The following INPP5F variants were observed in gnomAD, a reference collection of about 807,000 sequenced individuals.
INPP5F encodes the protein inositol polyphosphate-5-phosphatase F, also known as phosphatidylinositide 4-phosphatase SAC2.
A neutral mutation model predicts 137.2 loss-of-function variants in INPP5F; 97 were observed. The ratio of observed to expected loss-of-function variants is 0.71; its 90% CI spans 0.60 to 0.84. INPP5F has a LOEUF of 0.84. Ranked by LOEUF, INPP5F falls within the 40% of genes least tolerant of loss-of-function variation. INPP5F has a pLI of 0.00. For missense variants in INPP5F, 1,271 were observed against 1,371.9 expected, an observed-to-expected ratio of 0.93 and a Z score of 1.16; for synonymous variants, 504 against 476.9, an observed-to-expected ratio of 1.06 and a Z score of -0.74.
At chr10:119,737,538 C>T (rs1848251857) in intron 1 of INPP5F, among the ~76,000 whole-genome samples, 1 of 152,182 alleles carries the variant, frequency 6.6e-6, no homozygotes, top group South Asian at 2.1e-4. Flanking sequence ...AATGAGCAGC[C>T]AGCACTGATA....
intron 2 of INPP5F, among the ~76,000 whole-genome samples, chr10:119,763,238 G>T (rs571984794): frequency 6.6e-6 from 1 of 152,194 alleles, no homozygotes; most frequent in African/African-American, 2.4e-5. Context: ...GGCCCACTGC[G>T]GTAGAGGTTC....
chr10:119,819,521 A>C lies in INPP5F; in HGVS notation c.1887-1325A>C, dbSNP rs754302310. On this transcript the variant is annotated intron_variant, in intron 15 of 19. Coordinates refer to ENST00000650623, the MANE Select transcript of INPP5F (RefSeq NM_014937.4). The stretch of plus-strand genomic sequence containing the variant: ...GTAATTTTTATGGCTTGGCTCAAGC[A>C]ACAATTTTCAGAGTGCACGTAAGTA... 5.6e-6 allele frequency: 9 copies of C among 1,605,230 alleles called. No homozygotes were observed. The Admixed American group carries it at 1.5e-4, about 27-fold the overall frequency.
intron 6 of INPP5F, among the ~76,000 whole-genome samples, chr10:119,795,893 C>T (rs960845281): frequency 2.0e-5 from 3 of 152,210 alleles, no homozygotes; most frequent in East Asian, 1.9e-4. Flanking sequence ...CCGGCCAACA[C>T]GGGGAAACCC....
At chr10:119,778,926 A>T (rs1049814011) in intron 2 of INPP5F, among the ~76,000 whole-genome samples, 3 of 152,106 alleles carry the variant, frequency 2.0e-5, no homozygotes, top group African/African-American at 7.3e-5. Context: ...TTGTTCTAAG[A>T]GTCAGAATTC....
intron 6 of INPP5F, among the ~76,000 whole-genome samples, chr10:119,792,865 G>A (rs1164210205): frequency 6.6e-6 from 1 of 152,106 alleles, no homozygotes; most frequent in Non-Finnish European, 1.5e-5. Context: ...CAGGCAAATA[G>A]GTGAATAAAG....
chr10:119,739,006 A>G (rs1180159578), intron 1 of INPP5F, among the ~76,000 whole-genome samples: 2 of 138,232 alleles, frequency 1.4e-5, no homozygotes, highest in Non-Finnish European at 3.1e-5. Flanking sequence ...ATATAGATAG[A>G]CCTTATCTCT....
intron 9 of INPP5F, among the ~76,000 whole-genome samples, chr10:119,800,103 A>G (rs544068112): frequency 1.5e-4 from 23 of 151,764 alleles, no homozygotes; most frequent in African/African-American, 4.8e-4. Flanking sequence ...GACTTTAGAA[A>G]ACACCATAGT....
At chr10:119,810,006 T>A in intron 13 of INPP5F, 94 bp from the exon 14 acceptor site, 1 of 733,762 alleles carries the variant, frequency 1.4e-6, no homozygotes, top group Non-Finnish European at 2.4e-6. Context: ...TATAAAAGCC[T>A]GTAGAATTCT....
rs1217681757 is a variant in INPP5F at position 119,819,584 on chromosome 10, GTAT to G, written c.1887-1257_1887-1255del. The G allele has an allele frequency of 2.0e-6, 3 of 1,499,068 alleles. No individual in the cohort carries two copies. The East Asian group carries it at 7.0e-5, about 35-fold the overall frequency. The allele number at this position is 1,499,068 out of a possible 1,614,324, so 92.9% of individuals were successfully genotyped here. On this transcript the variant is annotated intron_variant, in intron 15 of 19. Transcript: ENST00000650623. Reference sequence around the variant, plus strand: ...ACTTAACATTTTACAGTGTTATTTGGTATTATTCTCTATGAAGCTGTCTGGATC... The same window carrying G: ...ACTTAACATTTTACAGTGTTATTTGGTATTCTCTATGAAGCTGTCTGGATC...
At chr10:119,826,532 T>C in intron 19 of INPP5F, 99 bp from the exon 20 acceptor site, 1 of 967,248 alleles carries the variant, frequency 1.0e-6, no homozygotes, top group Non-Finnish European at 1.6e-6. Context: ...TTCAAGAAGT[T>C]GGGACCAATT....
intron 1 of INPP5F, among the ~76,000 whole-genome samples, chr10:119,738,687 G>A (rs1848288243): frequency 6.6e-6 from 1 of 151,536 alleles, no homozygotes; most frequent in Non-Finnish European, 1.5e-5. Context: ...ATTTTGAAGT[G>A]TCAGCTGTAT....
chr10:119,815,423 G>A (rs1296024406), intron 15 of INPP5F: 1 of 153,048 alleles, frequency 6.5e-6, no homozygotes, highest in Non-Finnish European at 1.5e-5. Context: ...AGACCCGTCA[G>A]AGTCACTGGC....
At chr10:119,765,880 T>TATATATAG (rs1428376432) in intron 2 of INPP5F, among the ~76,000 whole-genome samples, 16 of 144,292 alleles carry the variant, frequency 1.1e-4, no homozygotes, top group African/African-American at 4.1e-4. Flanking sequence ...TATATATATA[T>TATATATAG]AGAGAGAGAG....
At chr10:119,792,567 GTTTT>G (rs397847812) in intron 6 of INPP5F, among the ~76,000 whole-genome samples, 1 of 124,632 alleles carries the variant, frequency 8.0e-6, no homozygotes, top group East Asian at 2.4e-4. Context: ...AATGGTACCA[GTTTT>G]TTTTTTTTTT....
rs1254063204 is a variant in INPP5F, at chr10:119,827,634, AC to A, written c.3256del (p.Gln1086LysfsTer4). On this transcript the variant is annotated frameshift_variant, in exon 20 of 20. Coordinates refer to ENST00000650623, the MANE Select transcript of INPP5F (RefSeq NM_014937.4). LOFTEE classifies it high-confidence loss of function. The part of the protein sequence containing the change: ...RSSMVQVASI[T>X]QAGLTHGINF... The stretch of plus-strand genomic sequence containing the variant: ...TTCCATGGTCCAGGTTGCTAGTATT[AC>A]CCAAGCTGGATTAACCCATGGGATA... 7 of 1,614,064 alleles carry A rather than the reference AC, an allele frequency of 4.3e-6. No homozygotes were observed. The highest frequency in any genetic ancestry group is 1.7e-5 in the Admixed American group (1 of 59,998).
rs148703599 is a variant in INPP5F at position 119,773,383 on chromosome 10, G to A, written c.179-8252G>A. On this transcript the variant is annotated intron_variant, in intron 2 of 19. Transcript: ENST00000650623. The stretch of plus-strand genomic sequence containing the variant: ...GTTTTTCAAATTTTAGTTTCGGGGC[G>A]ACATCTGCAGGTTTGTTACATGAGT... Among the ~76,000 whole-genome samples, 198 of 152,224 alleles carry A rather than the reference G, an allele frequency of 1.3e-3. 1 individual carries two copies. The highest frequency in any genetic ancestry group is 4.5e-3 in the African/African-American group (185 of 41,534).
intron 1 of INPP5F, among the ~76,000 whole-genome samples, chr10:119,726,657 C>T (rs772704624): frequency 5.3e-5 from 8 of 152,210 alleles, no homozygotes; most frequent in African/African-American, 9.6e-5. Flanking sequence ...GGGAGGGGGT[C>T]CCCTCCGGCA....
chr10:119,751,088 T>C lies in INPP5F; in HGVS notation c.110T>C (p.Leu37Pro), dbSNP rs1224351140. ...TATTTTATTTTAGCTACTGATCTAC[T>C]TCTTGCCTGGAATCCCATTTGTTTG... ...GLQLRPATDL[L>P]LAWNPICLGL... Residue 37 changes from leucine (L) to proline (P), a missense_variant, in exon 2 of 20, where the codon CTT becomes CCT. Leu to Pro is a moderately conservative substitution (Grantham distance 98, BLOSUM62 -3). Around this residue, in one of 6 missense-constraint regions of INPP5F, gnomAD observed 109 missense variants for 105.1 expected, o/e 1.04. Coordinates refer to ENST00000650623, the MANE Select transcript of INPP5F (RefSeq NM_014937.4). 2 of 1,606,744 alleles carry C rather than the reference T, an allele frequency of 1.2e-6. No individual in the cohort carries two copies. Among genetic ancestry groups the C allele is most frequent in the Non-Finnish European group, 1.7e-6 (2 of 1,173,348 alleles).
chr10:119,781,155 T>G (rs1030015465), intron 2 of INPP5F, among the ~76,000 whole-genome samples: 1 of 152,258 alleles, frequency 6.6e-6, no homozygotes, highest in Non-Finnish European at 1.5e-5. Flanking sequence ...ATTGTAATTA[T>G]AAAATAGGCT....
Sources: gnomAD v4.1 joint callset for allele counts (sites outside exome capture counted in the v4.1 genomes callset) on GRCh38, gnomAD v4.1.1 for gene constraint, gnomAD v4.1.1 regional missense constraint, MANE v1.5 for transcripts, NCBI Gene and HGNC (gene_info 2026-07-23, HGNC 2026-07-21) for gene names.